The following NSUN6 variants were observed in gnomAD, a reference collection of about 807,000 sequenced individuals.
NSUN6 encodes the protein tRNA (cytosine(72)-C(5))-methyltransferase NSUN6.
NSUN6 carries 64 observed loss-of-function variants against 58.0 expected under a neutral mutation model. The observed-to-expected ratio is 1.10, with a 90% confidence interval of 0.90 to 1.36. The LOEUF is 1.36. NSUN6 is among the 40% of genes most tolerant of loss of function. The pLI is 0.00. For synonymous variants in NSUN6, 231 were observed against 193.9 expected, an observed-to-expected ratio of 1.19 and a Z score of -1.59; for missense variants, 701 against 550.1, an observed-to-expected ratio of 1.27 and a Z score of -2.74.
At chr10:18,622,043 C>CACACACACAG (rs2058625738) in intron 3 of NSUN6, among the ~76,000 whole-genome samples, 9 of 146,836 alleles carry the variant, frequency 6.1e-5, no homozygotes, top group Admixed American at 5.4e-4. Context: ...GAATGACACA[C>CACACACACAG]ACACACACAC....
chr10:18,652,159 A>T, upstream of NSUN6: 1 of 985,374 alleles, frequency 1.0e-6, no homozygotes, highest in Non-Finnish European at 1.2e-6. Flanking sequence ...TTATAAGGCT[A>T]ACTGCTACTT....
chr10:18,608,882 A>C (rs566825571), intron 6 of NSUN6, among the ~76,000 whole-genome samples: 6 of 152,332 alleles, frequency 3.9e-5, no homozygotes, highest in Non-Finnish European at 7.4e-5. Context: ...ATTCATAAAC[A>C]ATTGTATGTT....
intron 4 of NSUN6, among the ~76,000 whole-genome samples, chr10:18,615,106 CATATATATATAT>C (rs5783616): frequency 6.8e-6 from 1 of 147,040 alleles, no homozygotes; most frequent in African/African-American, 2.5e-5. Context: ...TATAGTCATT[CATATATATATAT>C]ATATATATAT....
chr10:18,637,348 T>C (rs2059251800), intron 3 of NSUN6, among the ~76,000 whole-genome samples: 1 of 152,224 alleles, frequency 6.6e-6, no homozygotes, highest in Non-Finnish European at 1.5e-5. Context: ...ACCATTTGTA[T>C]TTTATACATT....
chr10:18,632,808 G>A (rs1336490052), intron 3 of NSUN6, among the ~76,000 whole-genome samples: 4 of 152,110 alleles, frequency 2.6e-5, no homozygotes, highest in Non-Finnish European at 4.4e-5. Context: ...ACTGTTGGTG[G>A]GACTGTCAAC....
intron 7 of NSUN6, among the ~76,000 whole-genome samples, chr10:18,589,509 G>A (rs1338663269): frequency 6.6e-6 from 1 of 152,146 alleles, no homozygotes; most frequent in Non-Finnish European, 1.5e-5. Context: ...AGCCAGAAAG[G>A]AAGGTCAGGT....
chr10:18,560,820 C>T (rs554435917), intron 8 of NSUN6, among the ~76,000 whole-genome samples: 9 of 135,944 alleles, frequency 6.6e-5, no homozygotes, highest in South Asian at 4.6e-4. Context: ...TGATATGGAA[C>T]GGAATGGAGA....
intron 9 of NSUN6, among the ~76,000 whole-genome samples, chr10:18,548,658 TA>T (rs2054431107): frequency 6.6e-6 from 1 of 152,186 alleles, no homozygotes; most frequent in African/African-American, 2.4e-5. Context: ...AGTCTTGTCT[TA>T]CACTCCCGGG....
chr10:18,577,206 AGAGGAG>A (rs773664592), intron 8 of NSUN6, among the ~76,000 whole-genome samples: 2 of 152,198 alleles, frequency 1.3e-5, no homozygotes, highest in Non-Finnish European at 2.9e-5. Context: ...ATTAGCAGAA[AGAGGAG>A]GAGTTTGATT....
rs571301351 is a variant in NSUN6 at position 18,647,725 on chromosome 10, GTTTT to G, written c.231+761_231+764del. Among the ~76,000 whole-genome samples, 38 of 100,088 alleles carry G rather than the reference GTTTT, an allele frequency of 3.8e-4. 1 individual carries two copies. Among genetic ancestry groups the G allele is most frequent in the East Asian group, 7.8e-4 (3 of 3,834 alleles). 65.7% of individuals were successfully genotyped at this position (100,088 alleles called of 152,430 possible). On this transcript the variant is annotated intron_variant, in intron 2 of 10. Coordinates refer to ENST00000377304, the MANE Select transcript of NSUN6 (RefSeq NM_182543.5). ...TAAAACATAAGGCGCTCAACACCTT[GTTTT>G]TTTTTTTTTTTTTTTTTTTTTTTGA...
intron 6 of NSUN6, among the ~76,000 whole-genome samples, chr10:18,604,781 G>A (rs1236825559): frequency 1.3e-5 from 2 of 151,926 alleles, no homozygotes; most frequent in Non-Finnish European, 2.9e-5. Context: ...AGCTACTTGG[G>A]AAGCTGAGGC....
intron 3 of NSUN6, among the ~76,000 whole-genome samples, chr10:18,627,636 A>G (rs1308132891): frequency 1.3e-5 from 2 of 152,182 alleles, no homozygotes; most frequent in Non-Finnish European, 2.9e-5. Flanking sequence ...TTCCTAGTCA[A>G]AGAAAGGGGT....
At chr10:18,608,638 CAA>C (rs5783614) in intron 6 of NSUN6, among the ~76,000 whole-genome samples, 7 of 107,588 alleles carry the variant, frequency 6.5e-5, no homozygotes, top group East Asian at 3.3e-4. Context: ...GATCCTGTCT[CAA>C]AAAAAAAAAA....
At chr10:18,591,769 T>A (rs748946623) in intron 7 of NSUN6, among the ~76,000 whole-genome samples, 1 of 152,194 alleles carries the variant, frequency 6.6e-6, no homozygotes, top group Non-Finnish European at 1.5e-5. Context: ...TCATACCGAA[T>A]GGGCAAAAGC....
At chr10:18,585,592 G>A (rs1228514467) in intron 8 of NSUN6, among the ~76,000 whole-genome samples, 1 of 152,092 alleles carries the variant, frequency 6.6e-6, no homozygotes, top group Non-Finnish European at 1.5e-5. Flanking sequence ...ACTTAAGTGG[G>A]GAATCTAAAA....
chr10:18,601,664 T>C lies in NSUN6; in HGVS notation c.658-5337A>G, dbSNP rs2057844084. Among the ~76,000 whole-genome samples, 8 of 152,278 alleles carry C rather than the reference T, an allele frequency of 5.3e-5. No individual in the cohort carries two copies. In the South Asian group the frequency reaches 1.7e-3, roughly 32 times the overall value. The stretch of plus-strand genomic sequence containing the variant: ...ACTTTATTCCCCAAACCAGCTGGAT[T>C]AGCAGTTCTCATTTTTTTACTTATA... On this transcript the variant is annotated intron_variant, in intron 6 of 10. Coordinates refer to ENST00000377304, the MANE Select transcript of NSUN6 (RefSeq NM_182543.5).
intron 8 of NSUN6, among the ~76,000 whole-genome samples, chr10:18,579,659 A>G (rs1287181441): frequency 2.0e-5 from 3 of 152,060 alleles, no homozygotes; most frequent in African/African-American, 7.2e-5. Context: ...GCTTTTATGC[A>G]TTTTAGGGAG....
At chr10:18,611,066 C>G (rs547424924) in intron 5 of NSUN6, among the ~76,000 whole-genome samples, 1 of 152,008 alleles carries the variant, frequency 6.6e-6, no homozygotes, top group South Asian at 2.1e-4. Context: ...GTGGAGTGTA[C>G]CTGTAGTCAG....
intron 3 of NSUN6, among the ~76,000 whole-genome samples, chr10:18,638,774 C>A (rs1231022040): frequency 6.6e-6 from 1 of 151,968 alleles, no homozygotes; most frequent in Non-Finnish European, 1.5e-5. Context: ...ACATAAAAGG[C>A]ACACTTAGGG....
Sources: gnomAD v4.1 joint callset for allele counts (sites outside exome capture counted in the v4.1 genomes callset) on GRCh38, gnomAD v4.1.1 for gene constraint, MANE v1.5 for transcripts, NCBI Gene and HGNC (gene_info 2026-07-23, HGNC 2026-07-21) for gene names.